PAPLN: variants seen among roughly 807,000 people sequenced by gnomAD.
The protein encoded by PAPLN is papilin, proteoglycan like sulfated glycoprotein, also known as papilin.
PAPLN carries 146 observed loss-of-function variants against 159.0 expected under a neutral mutation model. The observed-to-expected ratio is 0.92, with a 90% CI of 0.80 to 1.05. The LOEUF (loss-of-function observed/expected upper bound fraction) is 1.05. Among genes scored for constraint, PAPLN ranks in the 50% least tolerant of loss-of-function variants. The probability of loss-of-function intolerance (pLI) is 0.00; values close to 1 mark genes in which losing one functional copy is unlikely to be tolerated. For missense variants in PAPLN, 1,720 were observed against 1,743.9 expected (o/e 0.99, Z 0.24); for synonymous variants, 734 against 702.9 (o/e 1.04, Z -0.70).
chr14:73,253,864 A>G lies in PAPLN; in HGVS notation c.1205A>G (p.Glu402Gly). 6.2e-7 allele frequency: 1 copy of G among 1,613,574 alleles called. No homozygotes were observed. The highest frequency in any genetic ancestry group is 8.5e-7 in the Non-Finnish European group (1 of 1,179,944). ...GGGGCCGGCATCCAGGAGGCCGTGG[A>G]GGAGGCTGAGTGTGCCGGGCTGCCT... The part of the protein sequence containing the change: ...SDGAGIQEAV[E>G]EAECAGLPGK... The change falls in exon 12 of 27, where the codon GAG (glutamate) becomes GGG (glycine). Residue 402 changes from glutamate (E) to glycine (G), a missense_variant. Coordinates refer to ENST00000644200, the MANE Select transcript of PAPLN (RefSeq NM_001365906.3).
rs139811752 is a variant in PAPLN, at chr14:73,264,250, C to T, written c.2901C>T (p.Pro967=). 1.2e-6 allele frequency: 2 copies of T among 1,614,012 alleles called. No individual in the cohort carries two copies. The highest frequency in any genetic ancestry group is 1.7e-5 in the Admixed American group (1 of 60,024). ...LQFDGSLIIH[P]LQAEDAGTYS... is the part of the protein sequence containing the mutation. ...TCGACGGATCCCTGATCATCCACCC[C>T]CTGCAGGCAGAGGACGCGGGCACCT... The change falls in exon 21 of 27, where the codon CCC becomes CCT. Residue 967 remains proline, a synonymous_variant. Transcript: ENST00000644200.
intron 2 of PAPLN, chr14:73,243,457 C>G (rs1228430502): frequency 1.3e-5 from 2 of 152,264 alleles, no homozygotes; most frequent in African/African-American, 4.8e-5. Context: ...TAATCCCTGT[C>G]CAACCCTGTA....
In PAPLN at chr14:73,266,775, T is replaced by C. The variant is rs1258056819; in HGVS notation, c.3444T>C (p.Asp1148=). The C allele has an allele frequency of 1.9e-6, 3 of 1,613,914 alleles. No individual in the cohort carries two copies. The highest frequency in any genetic ancestry group is 1.3e-5 in the African/African-American group (1 of 74,906). The stretch of plus-strand genomic sequence containing the variant: ...CTACTGTGACAGTGCCAGAGGGTGA[T>C]ACGGCCAGGCTATTGTGTGTGGTAG... ...LPPTVTVPEG[D]TARLLCVVAG... The change falls in exon 25 of 27, where the codon GAT becomes GAC. Residue 1148 remains aspartate (D), a synonymous_variant. Transcript: ENST00000644200.
chr14:73,262,679 C>A lies in PAPLN; in HGVS notation c.2575C>A (p.Arg859=), dbSNP rs201201042. Residue 859 remains arginine, a synonymous_variant, in exon 19 of 27, where the codon CGG becomes AGG. Coordinates refer to ENST00000644200, the MANE Select transcript of PAPLN (RefSeq NM_001365906.3). ...RKPWPSGGLW[R]QDQQPGPGEA... ...GCCCTGGCCTTCTGGTGGTCTCTGG[C>A]GGCAAGACCAACAGCCTGGGCCAGG... 37 of 1,508,282 alleles carry A rather than the reference C, an allele frequency of 2.5e-5. No individual in the cohort carries two copies. The highest frequency in any genetic ancestry group is 1.9e-5 in the Non-Finnish European group (21 of 1,127,686). 93.4% of individuals were successfully genotyped at this position (1,508,282 alleles called of 1,614,324 possible).
Position 73,246,054 on chromosome 14 carries a change from C to CT in PAPLN, c.232-17dup. 3 of 1,521,524 alleles carry CT rather than the reference C, an allele frequency of 2.0e-6. No homozygotes were observed. The highest frequency in any genetic ancestry group is 2.6e-6 in the Non-Finnish European group (3 of 1,138,778). 94.3% of individuals were successfully genotyped at this position (1,521,524 alleles called of 1,614,324 possible). A position where few individuals can be genotyped will look rare whatever the true frequency, so the allele number is the denominator to read the frequency against. ...CGGACTCCGCCCTCCTGGATCCCGACTTCCCCTCCGCCCCGCAGAGCTGCC... is the reference window on the plus strand; with the variant it reads ...CGGACTCCGCCCTCCTGGATCCCGACTTTCCCCTCCGCCCCGCAGAGCTGCC... On this transcript the variant is annotated intron_variant, in intron 4 of 26. Coordinates refer to ENST00000644200, the MANE Select transcript of PAPLN (RefSeq NM_001365906.3).
At chr14:73,260,591 C>T (rs1017431471) in intron 16 of PAPLN, 118 bp from the exon 17 acceptor site, 37 of 1,267,150 alleles carry the variant, frequency 2.9e-5, no homozygotes, top group African/African-American at 4.6e-5. Flanking sequence ...CACGTCCTCT[C>T]CCCCCCAGGT....
Position 73,262,709 on chromosome 14 carries a change from G to GC in PAPLN, c.2611dup (p.His871ProfsTer40), listed in dbSNP as rs1291107616. ...AGACCAACAGCCTGGGCCAGGGGAG[G>GC]CCCCCCACACCCAGGCCTTTGGAGA... On this transcript the variant is annotated frameshift_variant, in exon 19 of 27. Transcript: ENST00000644200. LOFTEE classifies it high-confidence loss of function. 13 of 1,510,356 alleles carry GC rather than the reference G, an allele frequency of 8.6e-6. No homozygotes were observed. The highest frequency in any genetic ancestry group is 9.7e-6 in the Non-Finnish European group (11 of 1,131,438). 93.6% of individuals were successfully genotyped at this position (1,510,356 alleles called of 1,614,324 possible).
intron 22 of PAPLN, 84 bp downstream of exon 22, chr14:73,264,810 G>T: frequency 6.3e-7 from 1 of 1,584,758 alleles, no homozygotes; most frequent in South Asian, 1.2e-5. Context: ...GGGAACGTCT[G>T]CTGTGACCAG....
intron 14 of PAPLN, among the ~76,000 whole-genome samples, chr14:73,257,829 TC>T (rs1886105143): frequency 6.9e-6 from 1 of 145,086 alleles, no homozygotes; most frequent in Non-Finnish European, 1.5e-5. Context: ...AGTGGCGCGA[TC>T]TCGGCTCACT....
chr14:73,236,459 G>A (rs558728397), upstream of PAPLN, among the ~76,000 whole-genome samples: 1 of 152,114 alleles, frequency 6.6e-6, no homozygotes, highest in Non-Finnish European at 1.5e-5. Context: ...AGGCCACGGT[G>A]GGAAGATTGC....
In PAPLN at chr14:73,252,030, G is replaced by A; in HGVS notation, c.856G>A (p.Glu286Lys). The change falls in exon 10 of 27, where the codon GAG becomes AAG. Residue 286 changes from glutamate to lysine, a missense_variant. Physicochemically the swap from Glu to Lys is moderately conservative, Grantham distance 56 (BLOSUM62 1). Transcript: ENST00000644200. ...TCTCCCGTGACAGCTCATCAGCCAGGAGCCCAACCCCGGTGTGCACTATGA... is the reference window on the plus strand; with the variant it reads ...TCTCCCGTGACAGCTCATCAGCCAGAAGCCCAACCCCGGTGTGCACTATGA... Reference protein sequence around the residue: ...EPLVIELISQEPNPGVHYEYH... With the variant: ...EPLVIELISQKPNPGVHYEYH... 1 of 1,609,548 alleles carries A rather than the reference G, an allele frequency of 6.2e-7. No individual in the cohort carries two copies. Among genetic ancestry groups the A allele is most frequent in the Non-Finnish European group, 8.5e-7 (1 of 1,177,700 alleles).
upstream of PAPLN, among the ~76,000 whole-genome samples, chr14:73,237,039 C>G (rs177408): frequency 0.71 from 107,745 of 150,888 alleles, 40,153 homozygotes; most frequent in African/African-American, 0.92. Context: ...GGGCTGACTA[C>G]GGGTTTGAGA....
chr14:73,252,881 C>A (rs1437721999), intron 11 of PAPLN, 106 bp downstream of exon 11: 7 of 1,516,986 alleles, frequency 4.6e-6, no homozygotes, highest in Non-Finnish European at 5.3e-6. Flanking sequence ...AGGTGGGGGT[C>A]CAGGGCCCCC....
At chr14:73,255,623 G>A (rs1446656438) in intron 14 of PAPLN, among the ~76,000 whole-genome samples, 1 of 151,888 alleles carries the variant, frequency 6.6e-6, no homozygotes, top group Non-Finnish European at 1.5e-5. Context: ...CGTGGTGTGA[G>A]GATGCCACAT....
chr14:73,259,239 C>T, intron 15 of PAPLN, 30 bp from the exon 16 acceptor site: 1 of 1,533,306 alleles, frequency 6.5e-7, no homozygotes, highest in Non-Finnish European at 8.8e-7. Flanking sequence ...CAGGTGGACG[C>T]ACTGTGTGTC....
At chr14:73,271,269 C>T (rs1887691190) in intron 26 of PAPLN, among the ~76,000 whole-genome samples, 1 of 152,156 alleles carries the variant, frequency 6.6e-6, no homozygotes, top group African/African-American at 2.4e-5. Context: ...GCTTTGTTAT[C>T]TATATAAATT....
In PAPLN at chr14:73,262,434, G is replaced by A. The variant is rs1197429849; in HGVS notation, c.2330G>A (p.Gly777Asp). 3 of 1,613,786 alleles carry A rather than the reference G, an allele frequency of 1.9e-6. No individual in the cohort carries two copies. Among genetic ancestry groups the A allele is most frequent in the Admixed American group, 1.7e-5 (1 of 59,970 alleles). ...CGCTGGTACTTCGTTGCCTCTGTGGGCCAATGTAACCGCTTCTGGTATGGC... is the reference window on the plus strand; with the variant it reads ...CGCTGGTACTTCGTTGCCTCTGTGGACCAATGTAACCGCTTCTGGTATGGC... ...AARWYFVASV[G>D]QCNRFWYGGC... The change falls in exon 19 of 27, where the codon GGC (glycine) becomes GAC (aspartate). Residue 777 changes from glycine (G) to aspartate (D), a missense_variant. Gly to Asp is a moderately conservative substitution (Grantham distance 94, BLOSUM62 -1). Coordinates refer to ENST00000644200, the MANE Select transcript of PAPLN (RefSeq NM_001365906.3).
chr14:73,272,814 C>A lies in PAPLN; in HGVS notation c.*150C>A. 1.3e-6 allele frequency: 1 copy of A among 792,212 alleles called. No homozygotes were observed. Among genetic ancestry groups the A allele is most frequent in the Non-Finnish European group, 1.8e-6 (1 of 568,814 alleles). The allele number at this position is 792,212 out of a possible 1,614,324, so 49.1% of individuals were successfully genotyped here. A position where few individuals can be genotyped will look rare whatever the true frequency, so the allele number is the denominator to read the frequency against. On this transcript the variant is annotated 3_prime_UTR_variant, in exon 27 of 27. Coordinates refer to ENST00000644200, the MANE Select transcript of PAPLN (RefSeq NM_001365906.3). ...TTCAAAAACCCACCCAGTGTTTAGC[C>A]TCAACGGCAGCCAGTTACCAGCTTC...
Position 73,245,692 on chromosome 14 carries a change from C to A in PAPLN, c.227C>A (p.Thr76Lys). The change falls in exon 4 of 27, where the codon ACG (threonine) becomes AAG (lysine). Residue 76 changes from threonine (T) to lysine (K), a missense_variant. Transcript: ENST00000644200. This position sits in a 1 kb window ranked among gnomAD's most constrained non-coding sequence, Gnocchi z 4.2. ...GCCCGGAGCCACCGCTCTTGTCGCA[C>A]GGAGGTAAAGCTCACGGGGCGCGGG... ...GPARSHRSCR[T>K]ESCPDGARDF... The A allele has an allele frequency of 6.5e-7, 1 of 1,549,568 alleles. No individual in the cohort carries two copies. Among genetic ancestry groups the A allele is most frequent in the Non-Finnish European group, 8.7e-7 (1 of 1,150,540 alleles).
Sources: gnomAD v4.1 joint callset for allele counts (sites outside exome capture counted in the v4.1 genomes callset) on GRCh38, gnomAD v4.1.1 for gene constraint, Gnocchi (gnomAD v3.1) non-coding constraint, MANE v1.5 for transcripts, NCBI Gene and HGNC (gene_info 2026-07-23, HGNC 2026-07-21) for gene names.